SH3GL2: variants seen among roughly 807,000 people sequenced by gnomAD.
The protein encoded by SH3GL2 is endophilin-A1.
In SH3GL2, 24 loss-of-function variants were observed where a neutral mutation model predicts 46.0. The ratio of observed to expected loss-of-function variants is 0.52; its 90% CI spans 0.38 to 0.73. The LOEUF (loss-of-function observed/expected upper bound fraction) is 0.73. SH3GL2 is among the 30% of genes least tolerant of loss of function. SH3GL2 has a pLI of 0.00. For synonymous variants in SH3GL2, 196 were observed against 147.1 expected (o/e 1.33, Z -2.40); for missense variants, 413 against 424.2 (o/e 0.97, Z 0.23).
chr9:17,646,667 C>T lies in SH3GL2; in HGVS notation c.45+67380C>T, dbSNP rs192187494. On this transcript the variant is annotated intron_variant, in intron 1 of 8. Transcript: ENST00000380607. ...CCTGATGGAGTTTGCTGGGGGGCCACTCCAGGCCCTGTTTGCCTCGGTATC... is the reference window on the plus strand; with the variant it reads ...CCTGATGGAGTTTGCTGGGGGGCCATTCCAGGCCCTGTTTGCCTCGGTATC... 1.3e-3 allele frequency among the ~76,000 whole-genome samples: 204 copies of T among 151,938 alleles called. 1 individual carries two copies. Among genetic ancestry groups the T allele is most frequent in the African/African-American group, 4.7e-3 (195 of 41,500 alleles).
chr9:17,695,118 A>C (rs1588248015), intron 1 of SH3GL2, among the ~76,000 whole-genome samples: 2 of 152,196 alleles, frequency 1.3e-5, no homozygotes, highest in East Asian at 3.9e-4. Flanking sequence ...AACAGTCAGT[A>C]AGAAATGTCA....
At chr9:17,703,647 A>G (rs545006745) in intron 1 of SH3GL2, among the ~76,000 whole-genome samples, 20 of 152,276 alleles carry the variant, frequency 1.3e-4, no homozygotes, top group Admixed American at 3.3e-4. Context: ...GGTTGGTTCA[A>G]CATATGCAAA....
chr9:17,690,378 A>G (rs796628872), intron 1 of SH3GL2, among the ~76,000 whole-genome samples: 7 of 152,194 alleles, frequency 4.6e-5, no homozygotes, highest in East Asian at 1.9e-4. Flanking sequence ...CCTATCCACT[A>G]TCTGAACTTC....
chr9:17,740,716 G>A (rs1409466700), intron 1 of SH3GL2, among the ~76,000 whole-genome samples: 1 of 152,070 alleles, frequency 6.6e-6, no homozygotes. Context: ...TTTGCTAAAT[G>A]TGTGAAATCA....
At chr9:17,780,576 C>A (rs1646022123) in intron 3 of SH3GL2, among the ~76,000 whole-genome samples, 2 of 136,064 alleles carry the variant, frequency 1.5e-5, no homozygotes, top group African/African-American at 5.6e-5. Context: ...GTGCGCTGCA[C>A]CCACTAACGT....
chr9:17,768,640 T>C (rs2131161329), intron 3 of SH3GL2, among the ~76,000 whole-genome samples: 1 of 152,216 alleles, frequency 6.6e-6, no homozygotes, highest in East Asian at 1.9e-4. Flanking sequence ...TCAAGTTCTT[T>C]GCTGTATCAG....
chr9:17,769,136 A>G (rs557361605), intron 3 of SH3GL2, among the ~76,000 whole-genome samples: 1 of 152,198 alleles, frequency 6.6e-6, no homozygotes, highest in Admixed American at 6.5e-5. Context: ...TGTTTAAAAC[A>G]TCAGCCCTTC....
At position 17,657,150 on chromosome 9, in the gene SH3GL2, C is replaced by G. The variant is rs374987029; in HGVS notation, c.45+77863C>G. 1.4e-3 allele frequency among the ~76,000 whole-genome samples: 209 copies of G among 152,286 alleles called. 1 individual carries two copies. The highest frequency in any genetic ancestry group is 4.9e-3 in the African/African-American group (202 of 41,570). On this transcript the variant is annotated intron_variant, in intron 1 of 8. Transcript: ENST00000380607. ...GCTCATACACACTGAATTACTTCTTCAGTTTAACTTTTTTTGTGCCTGCTA... is the reference window on the plus strand; with the variant it reads ...GCTCATACACACTGAATTACTTCTTGAGTTTAACTTTTTTTGTGCCTGCTA...
At chr9:17,770,789 C>A (rs991876929) in intron 3 of SH3GL2, among the ~76,000 whole-genome samples, 71 of 152,160 alleles carry the variant, frequency 4.7e-4, no homozygotes, top group Non-Finnish European at 9.4e-4. Context: ...TAAGGGTGGC[C>A]ACTGGCCAAC....
intron 1 of SH3GL2, among the ~76,000 whole-genome samples, chr9:17,737,121 A>G (rs1440609673): frequency 1.3e-5 from 2 of 151,984 alleles, no homozygotes; most frequent in Admixed American, 6.6e-5. Context: ...AAAACACCAC[A>G]TGTTCTCACT....
intron 1 of SH3GL2, among the ~76,000 whole-genome samples, chr9:17,586,219 C>T (rs1250177187): frequency 1.3e-5 from 2 of 152,094 alleles, no homozygotes; most frequent in Non-Finnish European, 2.9e-5. Flanking sequence ...ACCCTAATCT[C>T]CCTCCGCCAT....
At position 17,579,288 on chromosome 9, in the gene SH3GL2, G is replaced by A. The variant is rs865777566; in HGVS notation, c.45+1G>A. Reference sequence around the variant, plus strand: ...GAAGCAGTTCCATAAAGCCACTCAGGTAAGGCGCGCGGCAGGTGCGTCCCG... The same window carrying A: ...GAAGCAGTTCCATAAAGCCACTCAGATAAGGCGCGCGGCAGGTGCGTCCCG... On this transcript the variant is annotated splice_donor_variant, in intron 1 of 8. Transcript: ENST00000380607. LOFTEE classifies it high-confidence loss of function. The A allele has an allele frequency of 6.4e-7, 1 of 1,561,420 alleles. No homozygotes were observed.
chr9:17,774,771 T>A (rs1479318920), intron 3 of SH3GL2, among the ~76,000 whole-genome samples: 1 of 152,178 alleles, frequency 6.6e-6, no homozygotes, highest in Non-Finnish European at 1.5e-5. Context: ...TGTCTTTGTC[T>A]GGCTTTGCTA....
At chr9:17,677,586 A>T (rs1468023862) in intron 1 of SH3GL2, among the ~76,000 whole-genome samples, 1 of 151,688 alleles carries the variant, frequency 6.6e-6, no homozygotes, top group Admixed American at 6.6e-5. Context: ...AAAGAATGCT[A>T]TTCTTGATCT....
At chr9:17,588,009 A>G (rs1818412855) in intron 1 of SH3GL2, among the ~76,000 whole-genome samples, 1 of 152,086 alleles carries the variant, frequency 6.6e-6, no homozygotes, top group Non-Finnish European at 1.5e-5. Flanking sequence ...CCTAATTTTC[A>G]TCCAGTAGAC....
intron 1 of SH3GL2, among the ~76,000 whole-genome samples, chr9:17,669,518 A>T (rs551820938): frequency 6.4e-4 from 98 of 152,310 alleles, no homozygotes; most frequent in Non-Finnish European, 1.1e-3. Flanking sequence ...AAGCAGAATT[A>T]TACAGTATAC....
chr9:17,682,961 C>T (rs1172889160), intron 1 of SH3GL2, among the ~76,000 whole-genome samples: 1 of 152,028 alleles, frequency 6.6e-6, no homozygotes, highest in Non-Finnish European at 1.5e-5. Flanking sequence ...GTGTTGCCTT[C>T]ATGCTTACAA....
intron 1 of SH3GL2, among the ~76,000 whole-genome samples, chr9:17,683,905 C>T (rs1200677718): frequency 6.6e-6 from 1 of 152,064 alleles, no homozygotes; most frequent in South Asian, 2.1e-4. Flanking sequence ...GCTCTCAACT[C>T]CTGACTCCTG....
chr9:17,587,387 G>T (rs911926134), intron 1 of SH3GL2, among the ~76,000 whole-genome samples: 2 of 152,164 alleles, frequency 1.3e-5, no homozygotes. Context: ...ATCTGGCTCT[G>T]CAATCTGGGA....
Sources: gnomAD v4.1 joint callset for allele counts (sites outside exome capture counted in the v4.1 genomes callset) on GRCh38, gnomAD v4.1.1 for gene constraint, MANE v1.5 for transcripts, NCBI Gene and HGNC (gene_info 2026-07-23, HGNC 2026-07-21) for gene names.